Variants in TTLL5 observed in about 807,000 individuals in gnomAD.
TTLL5 encodes the protein tubulin polyglutamylase TTLL5.
In TTLL5, 132 loss-of-function variants were observed where a neutral mutation model predicts 168.4. The observed-to-expected ratio is 0.78, with a 90% CI of 0.68 to 0.91. TTLL5 has a LOEUF of 0.91. Ranked by LOEUF, TTLL5 falls within the 40% of genes least tolerant of loss-of-function variation. The pLI, the probability that TTLL5 is intolerant of heterozygous loss-of-function variation, is 0.00. For missense variants in TTLL5, 1,545 were observed against 1,581.5 expected (o/e 0.98, Z 0.39); for synonymous variants, 546 against 558.6 (o/e 0.98, Z 0.32).
intron 26 of TTLL5, among the ~76,000 whole-genome samples, chr14:75,792,338 G>A (rs963905007): frequency 1.3e-5 from 2 of 151,232 alleles, no homozygotes; most frequent in Non-Finnish European, 2.9e-5. Context: ...AAACCTGCAC[G>A]TTGTGCACAT....
chr14:75,877,263 T>C (rs1288491448), intron 29 of TTLL5, among the ~76,000 whole-genome samples: 1 of 152,204 alleles, frequency 6.6e-6, no homozygotes, highest in African/African-American at 2.4e-5. Flanking sequence ...AAGGAGTGTT[T>C]TTCTGGAAGG....
intron 9 of TTLL5, among the ~76,000 whole-genome samples, chr14:75,712,704 G>A (rs1048340114): frequency 2.0e-5 from 3 of 151,768 alleles, no homozygotes; most frequent in African/African-American, 4.8e-5. Flanking sequence ...GCCAAACATT[G>A]AAATCTTTTC....
At chr14:75,951,495 A>C (rs562322344) in intron 31 of TTLL5, among the ~76,000 whole-genome samples, 2 of 152,034 alleles carry the variant, frequency 1.3e-5, no homozygotes, top group South Asian at 4.1e-4. Context: ...CGCAGTGGCT[A>C]ACACCTGTAA....
chr14:75,745,577 T>C lies in TTLL5; in HGVS notation c.1483T>C (p.Tyr495His), dbSNP rs1594960482. ...TCCTACATCTGAGACATGGGAAATA[T>C]ATGGGTGAGGTGACTACCTTTTTTT... ...IFPTSETWEI[Y>H]GSYLEHKTSM... The change falls in exon 17 of 32, where the codon TAT becomes CAT. Residue 495 changes from tyrosine (Y) to histidine (H), a missense_variant. Transcript: ENST00000298832. The C allele has an allele frequency of 1.2e-6, 2 of 1,613,848 alleles. No individual in the cohort carries two copies. The highest frequency in any genetic ancestry group is 1.7e-6 in the Non-Finnish European group (2 of 1,179,856).
chr14:75,690,080 C>G, intron 5 of TTLL5, 112 bp from the exon 6 acceptor site: 1 of 1,146,472 alleles, frequency 8.7e-7, no homozygotes, highest in Non-Finnish European at 1.3e-6. Context: ...GGATACAATA[C>G]TATCTTCACT....
chr14:75,850,134 C>T (rs981638758), intron 28 of TTLL5, among the ~76,000 whole-genome samples: 14 of 151,618 alleles, frequency 9.2e-5, no homozygotes, highest in Non-Finnish European at 1.8e-4. Flanking sequence ...GGGCCGGGCA[C>T]GGTGGCTCAT....
At chr14:75,680,249 C>T (rs1246147036) in intron 3 of TTLL5, among the ~76,000 whole-genome samples, 2 of 152,116 alleles carry the variant, frequency 1.3e-5, no homozygotes, top group East Asian at 1.9e-4. Context: ...CAAGCACAAA[C>T]GCTTACTTGG....
intron 23 of TTLL5, among the ~76,000 whole-genome samples, chr14:75,778,957 A>C (rs1891887644): frequency 6.6e-6 from 1 of 152,246 alleles, no homozygotes; most frequent in Non-Finnish European, 1.5e-5. Flanking sequence ...TAGGCAATGA[A>C]AATGACAAGT....
chr14:75,795,040 A>G (rs575546189), intron 27 of TTLL5, among the ~76,000 whole-genome samples: 3 of 152,092 alleles, frequency 2.0e-5, no homozygotes, highest in East Asian at 3.9e-4. Context: ...AGTTAATTCC[A>G]TTGTTCTGAC....
chr14:75,773,319 A>T (rs1437628501), intron 21 of TTLL5, among the ~76,000 whole-genome samples: 2 of 152,232 alleles, frequency 1.3e-5, no homozygotes, highest in Non-Finnish European at 2.9e-5. Flanking sequence ...TAATGTTTTA[A>T]TATAACAGCT....
At chr14:75,892,818 G>A (rs1026079396) in intron 30 of TTLL5, among the ~76,000 whole-genome samples, 2 of 152,128 alleles carry the variant, frequency 1.3e-5, no homozygotes, top group Non-Finnish European at 2.9e-5. Flanking sequence ...AACTGTTCCT[G>A]TCTCAAAACT....
intron 28 of TTLL5, among the ~76,000 whole-genome samples, chr14:75,853,581 A>T (rs1896984479): frequency 6.6e-6 from 1 of 152,256 alleles, no homozygotes; most frequent in Non-Finnish European, 1.5e-5. Flanking sequence ...ATATGATCCC[A>T]GTATTGCAAA....
At chr14:75,772,855 C>T (rs1016326470) in intron 21 of TTLL5, among the ~76,000 whole-genome samples, 1 of 151,906 alleles carries the variant, frequency 6.6e-6, no homozygotes, top group South Asian at 2.1e-4. Flanking sequence ...TAAGTAGTGA[C>T]GGGGTTTTTC....
chr14:75,682,355 TC>T (rs984713409), intron 4 of TTLL5, among the ~76,000 whole-genome samples: 3 of 151,740 alleles, frequency 2.0e-5, no homozygotes, highest in Non-Finnish European at 4.4e-5. Context: ...CCAGGGAAGG[TC>T]CCCGAGTGAA....
chr14:75,689,837 A>G, intron 5 of TTLL5: 1 of 214,678 alleles, frequency 4.7e-6, no homozygotes, highest in Non-Finnish European at 9.2e-6. Context: ...GGTGATTGGG[A>G]GGGTCCACTA....
chr14:75,850,428 A>AG (rs398025748), intron 28 of TTLL5, among the ~76,000 whole-genome samples: 1 of 142,236 alleles, frequency 7.0e-6, no homozygotes, highest in Non-Finnish European at 1.6e-5. Context: ...AAAAAAAAAA[A>AG]TTGGTAACTA....
chr14:75,720,476 C>CATAT (rs2140204465), intron 11 of TTLL5, 120 bp from the exon 12 acceptor site: 1 of 737,394 alleles, frequency 1.4e-6, no homozygotes, highest in East Asian at 2.5e-5. Flanking sequence ...AGAAGTCTGC[C>CATAT]ATATAGAGGC....
intron 30 of TTLL5, among the ~76,000 whole-genome samples, chr14:75,899,542 C>G (rs2032826904): frequency 1.3e-5 from 2 of 152,154 alleles, no homozygotes; most frequent in South Asian, 2.1e-4. Flanking sequence ...AAAAGTTTCC[C>G]CTTGGATTGC....
At chr14:75,715,803 A>T (rs1217436846) in intron 9 of TTLL5, among the ~76,000 whole-genome samples, 2 of 147,612 alleles carry the variant, frequency 1.4e-5, no homozygotes, top group East Asian at 3.9e-4. Flanking sequence ...AAGAAGAAAC[A>T]TGATTTTTTT....
Sources: gnomAD v4.1 joint callset for allele counts (sites outside exome capture counted in the v4.1 genomes callset) on GRCh38, gnomAD v4.1.1 for gene constraint, MANE v1.5 for transcripts, NCBI Gene and HGNC (gene_info 2026-07-23, HGNC 2026-07-21) for gene names.